Variants in SGCZ observed in about 807,000 individuals in gnomAD.
SGCZ encodes the protein zeta-sarcoglycan.
A neutral mutation model predicts 41.3 loss-of-function variants in SGCZ; 40 were observed. That is an observed-to-expected ratio of 0.97 (90% CI 0.75 to 1.26). The LOEUF (loss-of-function observed/expected upper bound fraction) is 1.26. Ranked by LOEUF, SGCZ falls within the 50% of genes most tolerant of loss-of-function variation. The pLI is 0.00. For missense variants in SGCZ, 552 were observed against 369.8 expected (o/e 1.49, Z -4.04); for synonymous variants, 206 against 137.5 (o/e 1.50, Z -3.49).
intron 1 of SGCZ, among the ~76,000 whole-genome samples, chr8:14,738,230 G>T (rs17120170): frequency 0.061 from 9,221 of 151,842 alleles, 576 homozygotes; most frequent in African/African-American, 0.16. Context: ...TTCTAAGGGG[G>T]AATCATCTTA....
chr8:15,038,625 A>G (rs958003185), intron 1 of SGCZ, among the ~76,000 whole-genome samples: 16 of 152,062 alleles, frequency 1.1e-4, no homozygotes, highest in African/African-American at 3.9e-4. Flanking sequence ...ATCAAATTAC[A>G]GAGCTTCTGC....
intron 5 of SGCZ, among the ~76,000 whole-genome samples, chr8:14,161,546 A>T (rs956028873): frequency 3.9e-5 from 6 of 152,226 alleles, no homozygotes; most frequent in African/African-American, 1.4e-4. Context: ...CCTATTGTAC[A>T]TCTGCATCAG....
At chr8:14,247,897 T>C (rs1193216376) in intron 3 of SGCZ, among the ~76,000 whole-genome samples, 2 of 152,220 alleles carry the variant, frequency 1.3e-5, no homozygotes, top group Admixed American at 6.5e-5. Context: ...ACATTGTGTC[T>C]TATTTTGGTG....
At position 14,939,224 on chromosome 8, in the gene SGCZ, T is replaced by TC. The variant is rs1361230894; in HGVS notation, c.39+298360dup. Among the ~76,000 whole-genome samples, 6 of 152,212 alleles carry TC rather than the reference T, an allele frequency of 3.9e-5. No homozygotes were observed. The South Asian group carries it at 6.2e-4, about 16-fold the overall frequency. On this transcript the variant is annotated intron_variant, in intron 1 of 7. Transcript: ENST00000382080. ...AGATAGCATTCAGGACTTGAGTTAG[T>TC]CCTGACCCAGATCTAGGGTACCTTT...
At chr8:15,105,302 G>A (rs1393895658) in intron 1 of SGCZ, among the ~76,000 whole-genome samples, 1 of 152,114 alleles carries the variant, frequency 6.6e-6, no homozygotes, top group Non-Finnish European at 1.5e-5. Flanking sequence ...CTACAGATGT[G>A]TATTAGTCTC....
At chr8:14,765,737 G>A (rs1450931112) in intron 1 of SGCZ, among the ~76,000 whole-genome samples, 1 of 152,166 alleles carries the variant, frequency 6.6e-6, no homozygotes, top group South Asian at 2.1e-4. Context: ...GAAATGACAA[G>A]TATGGGGAGA....
At chr8:14,127,280 C>A (rs1380009098) in intron 5 of SGCZ, among the ~76,000 whole-genome samples, 1 of 152,052 alleles carries the variant, frequency 6.6e-6, no homozygotes, top group Admixed American at 6.6e-5. Flanking sequence ...AATCATTTAA[C>A]CTGAGACCAG....
At chr8:14,338,602 T>A (rs564253648) in intron 2 of SGCZ, among the ~76,000 whole-genome samples, 2 of 152,360 alleles carry the variant, frequency 1.3e-5, no homozygotes, top group South Asian at 4.1e-4. Context: ...AGGAATATTT[T>A]GTATTGAAAT....
chr8:14,497,451 C>G (rs901838423), intron 2 of SGCZ, among the ~76,000 whole-genome samples: 3 of 152,090 alleles, frequency 2.0e-5, no homozygotes, highest in Non-Finnish European at 4.4e-5. Flanking sequence ...TGACTCACAC[C>G]CTGCAGGCTG....
intron 1 of SGCZ, among the ~76,000 whole-genome samples, chr8:14,595,915 T>C (rs1201622960): frequency 6.6e-6 from 1 of 152,134 alleles, no homozygotes. Context: ...AAATGTTAGG[T>C]TGTCCAATGT....
chr8:15,117,827 A>G (rs1807329007), intron 1 of SGCZ, among the ~76,000 whole-genome samples: 2 of 152,210 alleles, frequency 1.3e-5, no homozygotes, highest in African/African-American at 4.8e-5. Context: ...GGCTAAGTAG[A>G]TCTAGGGCCA....
At chr8:15,122,248 A>G (rs534724197) in intron 1 of SGCZ, among the ~76,000 whole-genome samples, 2 of 152,220 alleles carry the variant, frequency 1.3e-5, no homozygotes, top group African/African-American at 4.8e-5. Flanking sequence ...AAGTCAAGAA[A>G]GGCTTAATGG....
intron 3 of SGCZ, among the ~76,000 whole-genome samples, chr8:14,258,761 T>C (rs1799552163): frequency 1.3e-5 from 2 of 152,152 alleles, no homozygotes; most frequent in African/African-American, 4.8e-5. Context: ...CTTAAGGTAT[T>C]TTAGACAAGC....
chr8:14,229,750 A>G (rs1433016805), intron 4 of SGCZ, among the ~76,000 whole-genome samples: 1 of 152,104 alleles, frequency 6.6e-6, no homozygotes, highest in Non-Finnish European at 1.5e-5. Context: ...TCTGCAGTCA[A>G]TTAAATGATT....
At chr8:14,977,305 G>C (rs1001180890) in intron 1 of SGCZ, among the ~76,000 whole-genome samples, 2 of 152,172 alleles carry the variant, frequency 1.3e-5, no homozygotes, top group Non-Finnish European at 2.9e-5. Flanking sequence ...ATGGAGAACA[G>C]AGCTTGGTCA....
chr8:14,618,949 G>C (rs1806195773), intron 1 of SGCZ, among the ~76,000 whole-genome samples: 1 of 152,092 alleles, frequency 6.6e-6, no homozygotes, highest in Admixed American at 6.6e-5. Flanking sequence ...AAGAGAACAT[G>C]TTTTATGGAA....
chr8:14,364,420 C>T (rs887455408), intron 2 of SGCZ, among the ~76,000 whole-genome samples: 1 of 152,124 alleles, frequency 6.6e-6, no homozygotes, highest in South Asian at 2.1e-4. Context: ...TTCTTTGTCT[C>T]ACTGAGTACT....
intron 1 of SGCZ, among the ~76,000 whole-genome samples, chr8:15,049,272 A>G (rs796486468): frequency 2.6e-5 from 4 of 152,216 alleles, no homozygotes; most frequent in African/African-American, 9.6e-5. Flanking sequence ...CATTTAAGGG[A>G]GGAAATTCAA....
At chr8:14,904,611 C>T (rs1799070567) in intron 1 of SGCZ, among the ~76,000 whole-genome samples, 1 of 151,914 alleles carries the variant, frequency 6.6e-6, no homozygotes, top group South Asian at 2.1e-4. Context: ...ATGATGAGCT[C>T]TTAATTTCAC....
Sources: gnomAD v4.1 joint callset for allele counts (sites outside exome capture counted in the v4.1 genomes callset) on GRCh38, gnomAD v4.1.1 for gene constraint, MANE v1.5 for transcripts, NCBI Gene and HGNC (gene_info 2026-07-23, HGNC 2026-07-21) for gene names.